The following KSR2 variants were observed in gnomAD, a reference collection of about 807,000 sequenced individuals.
KSR2 encodes kinase suppressor of ras 2.
A neutral mutation model predicts 107.8 loss-of-function variants in KSR2; 25 were observed. The ratio of observed to expected loss-of-function variants is 0.23; its 90% CI spans 0.17 to 0.32. The LOEUF is 0.32. KSR2 is among the 10% of genes least tolerant of loss of function. KSR2 has a pLI of 1.00. For synonymous variants in KSR2, 480 were observed against 507.0 expected, an observed-to-expected ratio of 0.95 and a Z score of 0.71; for missense variants, 887 against 1,268.9, an observed-to-expected ratio of 0.70 and a Z score of 4.57.
At chr12:117,748,563 TAC>T (rs1472049517) in intron 4 of KSR2, among the ~76,000 whole-genome samples, 4 of 149,950 alleles carry the variant, frequency 2.7e-5, no homozygotes, top group African/African-American at 4.8e-5. Flanking sequence ...CATAAATATG[TAC>T]AGTTATTATT....
Position 117,562,930 on chromosome 12 carries a change from G to A in KSR2, c.1326-4357C>T, listed in dbSNP as rs1388702318. Among the ~76,000 whole-genome samples, 5 of 152,168 alleles carry A rather than the reference G, an allele frequency of 3.3e-5. No homozygotes were observed. In the East Asian group the frequency reaches 9.6e-4, roughly 29 times the overall value. ...ACTTAGGTTCAGATGTCAAGAACGA[G>A]AGCCTGCACATCCCGGATCTGCTAA... On this transcript the variant is annotated intron_variant, in intron 7 of 19. Transcript: ENST00000339824.
intron 3 of KSR2, among the ~76,000 whole-genome samples, chr12:117,825,608 C>T (rs1393619659): frequency 1.3e-5 from 2 of 152,274 alleles, no homozygotes; most frequent in East Asian, 3.9e-4. Context: ...ATGGCTCCCT[C>T]ACTATTTTCT....
chr12:117,553,855 C>T (rs1877478241), intron 9 of KSR2, among the ~76,000 whole-genome samples: 2 of 150,256 alleles, frequency 1.3e-5, no homozygotes, highest in African/African-American at 5.0e-5. Context: ...TCCTCTCTCT[C>T]TCTCTCCCTC....
At chr12:117,794,274 CACACCAACA>C (rs1890491706) in intron 3 of KSR2, among the ~76,000 whole-genome samples, 1 of 47,158 alleles carries the variant, frequency 2.1e-5, no homozygotes. Context: ...AACATGCACA[CACACCAACA>C]TGCACTCACA....
At position 117,697,424 on chromosome 12, in the gene KSR2, T is replaced by C. The variant is rs569268161; in HGVS notation, c.987-29766A>G. Among the ~76,000 whole-genome samples, 14 of 152,268 alleles carry C rather than the reference T, an allele frequency of 9.2e-5. No individual in the cohort carries two copies. In the South Asian group the frequency reaches 2.7e-3, roughly 29 times the overall value. ...ACGCTATCTGCTTAGAAATATGCAT[T>C]TTCTACGTATATGTTACACTTCAAT... On this transcript the variant is annotated intron_variant, in intron 4 of 19. Transcript: ENST00000339824.
At position 117,480,028 on chromosome 12, in the gene KSR2, A is replaced by ATGTGTG. The variant is rs55877244; in HGVS notation, c.2451-3439_2451-3434dup. On this transcript the variant is annotated intron_variant, in intron 16 of 19. Transcript: ENST00000339824. The stretch of plus-strand genomic sequence containing the variant: ...CTGGACATAATCATTACACATGTGT[A>ATGTGTG]TGTGTGTGTGTGTGTGTGTGTGTGT... 6.5e-3 allele frequency among the ~76,000 whole-genome samples: 967 copies of ATGTGTG among 148,530 alleles called. 13 individuals are homozygous for ATGTGTG. The highest frequency in any genetic ancestry group is 0.023 in the African/African-American group (906 of 40,142).
chr12:117,968,604 A>C lies in KSR2; in HGVS notation c.-349T>G. On this transcript the variant is annotated 5_prime_UTR_variant, in exon 1 of 20. Coordinates refer to ENST00000339824, the MANE Select transcript of KSR2 (RefSeq NM_173598.6). ...GGGAGGAGGAGGAGGAGGAAAAAGA[A>C]GAGGAGAAGGAGGAGAGAGAGGAGG... 8.3e-6 allele frequency: 4 copies of C among 479,550 alleles called. No homozygotes were observed. The highest frequency in any genetic ancestry group is 1.2e-5 in the Non-Finnish European group (4 of 342,604). The allele number at this position is 479,550 out of a possible 1,614,324, so 29.7% of individuals were successfully genotyped here.
At chr12:117,891,429 GAAAGA>G (rs1393417512) in intron 1 of KSR2, among the ~76,000 whole-genome samples, 3 of 143,188 alleles carry the variant, frequency 2.1e-5, no homozygotes, top group African/African-American at 7.9e-5. Context: ...AAAAAAAAAA[GAAAGA>G]AAAGAAATGT....
intron 5 of KSR2, among the ~76,000 whole-genome samples, chr12:117,626,180 C>T (rs973645411): frequency 4.6e-5 from 7 of 151,678 alleles, no homozygotes; most frequent in African/African-American, 9.7e-5. Context: ...ATTTTTTTGA[C>T]GGGTTTTTTG....
At chr12:117,674,347 T>C in intron 4 of KSR2, 1 of 486,362 alleles carries the variant, frequency 2.1e-6, no homozygotes, top group Non-Finnish European at 4.1e-6. Context: ...ATTTTTGCTT[T>C]TTTGTTATAC....
intron 4 of KSR2, among the ~76,000 whole-genome samples, chr12:117,742,946 C>G (rs1888276962): frequency 6.6e-6 from 1 of 152,158 alleles, no homozygotes. Flanking sequence ...TGATAAACAT[C>G]TCCACCTCTA....
chr12:117,954,665 C>G (rs947952480), intron 1 of KSR2, among the ~76,000 whole-genome samples: 10 of 152,212 alleles, frequency 6.6e-5, no homozygotes, highest in African/African-American at 2.4e-4. Flanking sequence ...GTACCCTCAG[C>G]TCCCTTCTGC....
rs11835512 is a variant in KSR2, at chr12:117,477,594, G to T, written c.2451-999C>A. Among the ~76,000 whole-genome samples, 808 of 152,324 alleles carry T rather than the reference G, an allele frequency of 5.3e-3. 9 individuals carry two copies. Among genetic ancestry groups the T allele is most frequent in the African/African-American group, 0.019 (772 of 41,574 alleles). On this transcript the variant is annotated intron_variant, in intron 16 of 19. Coordinates refer to ENST00000339824, the MANE Select transcript of KSR2 (RefSeq NM_173598.6). ...CAAAGATAAGATGGATCTTACTGCA[G>T]GTAAACTGTGAGCTAAGATCTACGT...
chr12:117,663,184 G>A (rs1274797382), intron 5 of KSR2, among the ~76,000 whole-genome samples: 2 of 152,148 alleles, frequency 1.3e-5, no homozygotes, highest in African/African-American at 4.8e-5. Flanking sequence ...CCTACCTAAT[G>A]AGCAAGCAAG....
At chr12:117,503,392 T>C (rs1208162525) in intron 14 of KSR2, among the ~76,000 whole-genome samples, 1 of 152,206 alleles carries the variant, frequency 6.6e-6, no homozygotes. Context: ...ATGTTGCATA[T>C]GTGACTGGCC....
chr12:117,807,196 C>T (rs1891040196), intron 3 of KSR2, among the ~76,000 whole-genome samples: 4 of 152,068 alleles, frequency 2.6e-5, no homozygotes, highest in South Asian at 2.1e-4. Flanking sequence ...GAAACAAAGC[C>T]GGGAGAAAAT....
At chr12:117,946,256 GA>G (rs1274344789) in intron 1 of KSR2, among the ~76,000 whole-genome samples, 1 of 152,002 alleles carries the variant, frequency 6.6e-6, no homozygotes, top group African/African-American at 2.4e-5. Flanking sequence ...CAATGAAATT[GA>G]AGACAGAAAA....
intron 14 of KSR2, among the ~76,000 whole-genome samples, chr12:117,492,646 G>A (rs985726025): frequency 2.0e-5 from 3 of 152,260 alleles, no homozygotes; most frequent in Non-Finnish European, 2.9e-5. Context: ...ACATGGCAAA[G>A]GAGACTTTGC....
chr12:117,794,986 G>A (rs1449322470), intron 3 of KSR2, among the ~76,000 whole-genome samples: 1 of 152,218 alleles, frequency 6.6e-6, no homozygotes, highest in East Asian at 1.9e-4. Flanking sequence ...CCAAGCTGCA[G>A]CAAAGTGATT....
Sources: gnomAD v4.1 joint callset for allele counts (sites outside exome capture counted in the v4.1 genomes callset) on GRCh38, gnomAD v4.1.1 for gene constraint, MANE v1.5 for transcripts, NCBI Gene and HGNC (gene_info 2026-07-23, HGNC 2026-07-21) for gene names.